GSTO1: variants seen among roughly 807,000 people sequenced by gnomAD.
The protein encoded by GSTO1 is glutathione S-transferase omega-1.
GSTO1 carries 27 observed loss-of-function variants against 23.8 expected under a neutral mutation model. The observed-to-expected ratio is 1.13, with a 90% CI of 0.83 to 1.56. GSTO1 has a LOEUF of 1.56. GSTO1 is among the 40% of genes most tolerant of loss of function. The pLI is 0.00. For missense variants in GSTO1, 255 were observed against 285.8 expected (o/e 0.89, Z 0.78); for synonymous variants, 105 against 109.3 (o/e 0.96, Z 0.25).
intron 1 of GSTO1, 69 bp from the exon 2 acceptor site, chr10:104,255,094 G>A: frequency 5.6e-6 from 8 of 1,436,726 alleles, no homozygotes; most frequent in Non-Finnish European, 7.8e-6. Flanking sequence ...AGTGGGACGC[G>A]GGGGCGGTGG....
intron 5 of GSTO1, among the ~76,000 whole-genome samples, chr10:104,266,629 C>T (rs567314628): frequency 1.3e-5 from 2 of 151,838 alleles, no homozygotes; most frequent in African/African-American, 4.8e-5. Flanking sequence ...CTCAGCTACT[C>T]GGGAGGCTGA....
intron 4 of GSTO1, among the ~76,000 whole-genome samples, chr10:104,264,433 A>T (rs536990842): frequency 6.6e-6 from 1 of 152,328 alleles, no homozygotes; most frequent in East Asian, 1.9e-4. Context: ...ATGCATTGAA[A>T]AAAAACTATG....
At chr10:104,257,774 T>G (rs2011108254) in intron 2 of GSTO1, among the ~76,000 whole-genome samples, 1 of 152,236 alleles carries the variant, frequency 6.6e-6, no homozygotes, top group South Asian at 2.1e-4. Context: ...ATTAGTTGCC[T>G]CATATGATTT....
At chr10:104,265,858 G>A (rs943869262) in intron 4 of GSTO1, among the ~76,000 whole-genome samples, 1 of 152,034 alleles carries the variant, frequency 6.6e-6, no homozygotes, top group African/African-American at 2.4e-5. Context: ...TCTGTGACTT[G>A]TTTTATTTTT....
rs754091728 is a variant in GSTO1, at chr10:104,259,685, G to A, written c.253G>A (p.Glu85Lys). The A allele has an allele frequency of 3.1e-6, 5 of 1,613,112 alleles. No individual in the cohort carries two copies. Among genetic ancestry groups the A allele is most frequent in the South Asian group, 1.1e-5 (1 of 91,056 alleles). Residue 85 changes from glutamate (E) to lysine (K), a missense_variant, in exon 3 of 6, where the codon GAG becomes AAG. Transcript: ENST00000369713. ...LENSQGQLIY[E>K]SAITCEYLDE... ...AAACAGTCAGGGTCAGCTGATCTAC[G>A]AGTCTGCCATCACCTGTGAGTACCT... is the stretch of plus-strand genomic sequence containing the variant.
chr10:104,264,343 G>A (rs951196212), intron 4 of GSTO1, among the ~76,000 whole-genome samples: 6 of 152,058 alleles, frequency 3.9e-5, no homozygotes, highest in Non-Finnish European at 4.4e-5. Flanking sequence ...AAAGTAAGAT[G>A]CAGTCCATAT....
At position 104,254,934 on chromosome 10, in the gene GSTO1, C is replaced by G. The variant is rs747892529; in HGVS notation, c.6C>G (p.Ser2=). 6.2e-7 allele frequency: 1 copy of G among 1,611,394 alleles called. No homozygotes were observed. The highest frequency in any genetic ancestry group is 8.5e-7 in the Non-Finnish European group (1 of 1,179,250). ...TCGGCCTGCGCTGCGCCACGATGTC[C>G]GGGGAGTCAGCCAGGAGCTTGGGGA... M[S]GESARSLGKG... Residue 2 remains serine, a synonymous_variant, in exon 1 of 6, where the codon TCC becomes TCG. Coordinates refer to ENST00000369713, the MANE Select transcript of GSTO1 (RefSeq NM_004832.3).
chr10:104,255,362 C>T (rs149211140), intron 2 of GSTO1, 91 bp downstream of exon 2: 2 of 777,996 alleles, frequency 2.6e-6, no homozygotes, highest in East Asian at 5.1e-5. Flanking sequence ...CCTTCTACCC[C>T]CCTCCCACCA....
chr10:104,261,551 A>G (rs560105852), intron 3 of GSTO1, among the ~76,000 whole-genome samples: 4 of 152,242 alleles, frequency 2.6e-5, no homozygotes, highest in Non-Finnish European at 5.9e-5. Flanking sequence ...AGAGGCTAGA[A>G]AAACCAAAGC....
intron 3 of GSTO1, among the ~76,000 whole-genome samples, chr10:104,260,272 G>A (rs2011128290): frequency 6.6e-6 from 1 of 152,186 alleles, no homozygotes; most frequent in South Asian, 2.1e-4. Context: ...GGTGAGGGCT[G>A]TGTTTTGATC....
In GSTO1 at chr10:104,255,142, G is replaced by A. The variant is rs376230089; in HGVS notation, c.35-21G>A. 29 of 1,586,520 alleles carry A rather than the reference G, an allele frequency of 1.8e-5. No homozygotes were observed. In the African/African-American group the frequency reaches 3.5e-4, roughly 19 times the overall value. ...CTCGACACCTCTCTGGGCCGTAATC[G>A]CCTTCGCTTCTCCCCGGCAGGAAGC... On this transcript the variant is annotated intron_variant, in intron 1 of 5. Coordinates refer to ENST00000369713, the MANE Select transcript of GSTO1 (RefSeq NM_004832.3).
At chr10:104,254,588 A>G, upstream of GSTO1, 1 of 413,124 alleles carries the variant, frequency 2.4e-6, no homozygotes. Flanking sequence ...GTGTCACGGG[A>G]GGGAGGTCAG....
At chr10:104,263,606 T>C (rs958721587) in intron 4 of GSTO1, among the ~76,000 whole-genome samples, 5 of 152,226 alleles carry the variant, frequency 3.3e-5, no homozygotes, top group Admixed American at 2.6e-4. Context: ...CATTTGGGCC[T>C]TGGAGTCTGT....
At chr10:104,262,045 CACAT>C (rs151181816) in intron 3 of GSTO1, among the ~76,000 whole-genome samples, 11,161 of 152,120 alleles carry the variant, frequency 0.073, 1,361 homozygotes, top group African/African-American at 0.25. Context: ...GTCAGACACA[CACAT>C]AGAGTTCAAA....
At chr10:104,262,128 G>A (rs2011143497) in intron 3 of GSTO1, among the ~76,000 whole-genome samples, 2 of 152,200 alleles carry the variant, frequency 1.3e-5, no homozygotes, top group South Asian at 4.1e-4. Flanking sequence ...CTCTCCACTG[G>A]TTTTCCTGGT....
At chr10:104,266,514 A>C (rs1019253920) in intron 5 of GSTO1, among the ~76,000 whole-genome samples, 4 of 152,234 alleles carry the variant, frequency 2.6e-5, no homozygotes, top group African/African-American at 9.6e-5. Flanking sequence ...AGACGGGTGG[A>C]TCATCTGAGG....
intron 4 of GSTO1, 83 bp downstream of exon 4, chr10:104,263,160 C>G: frequency 1.6e-6 from 1 of 622,962 alleles, no homozygotes; most frequent in South Asian, 2.0e-5. Flanking sequence ...CTTTATATTC[C>G]CACTTTCCAA....
chr10:104,263,315 G>A (rs1434224151), intron 4 of GSTO1, among the ~76,000 whole-genome samples: 1 of 152,086 alleles, frequency 6.6e-6, no homozygotes, highest in Admixed American at 6.5e-5. Flanking sequence ...AAAATATTCT[G>A]CTAATGTTAA....
chr10:104,263,523 A>G (rs1287005720), intron 4 of GSTO1, among the ~76,000 whole-genome samples: 1 of 152,214 alleles, frequency 6.6e-6, no homozygotes, highest in Non-Finnish European at 1.5e-5. Flanking sequence ...CCCACCAGAA[A>G]AAGTTTGCAA....
Sources: gnomAD v4.1 joint callset for allele counts (sites outside exome capture counted in the v4.1 genomes callset) on GRCh38, gnomAD v4.1.1 for gene constraint, MANE v1.5 for transcripts, NCBI Gene and HGNC (gene_info 2026-07-23, HGNC 2026-07-21) for gene names.